Variants in WNT7B observed in about 807,000 individuals in gnomAD.
WNT7B encodes Wnt family member 7B.
A neutral mutation model predicts 38.2 loss-of-function variants in WNT7B; 19 were observed. The ratio of observed to expected loss-of-function variants is 0.50; its 90% CI spans 0.35 to 0.73. WNT7B has a LOEUF of 0.73. Ranked by LOEUF, WNT7B falls within the 30% of genes least tolerant of loss-of-function variation. The probability of loss-of-function intolerance (pLI) is 0.01; values close to 1 mark genes in which losing one functional copy is unlikely to be tolerated. For missense variants in WNT7B, 423 were observed against 507.9 expected, an observed-to-expected ratio of 0.83 and a Z score of 1.61; for synonymous variants, 243 against 209.3, an observed-to-expected ratio of 1.16 and a Z score of -1.39.
chr22:45,929,591 T>G (rs549621647), intron 3 of WNT7B, among the ~76,000 whole-genome samples: 2 of 139,090 alleles, frequency 1.4e-5, no homozygotes, highest in African/African-American at 5.6e-5. Context: ...CTTCCATCCA[T>G]TCATGCATCC....
At chr22:45,929,387 CCCATCCATCCTT>C (rs1226827146) in intron 3 of WNT7B, among the ~76,000 whole-genome samples, 4 of 149,746 alleles carry the variant, frequency 2.7e-5, no homozygotes, top group African/African-American at 7.6e-5. Context: ...CACCCACTCA[CCCATCCATCCTT>C]CCATCCACCC....
intron 1 of WNT7B, among the ~76,000 whole-genome samples, chr22:45,962,191 C>T (rs1005758193): frequency 1.3e-5 from 2 of 152,116 alleles, no homozygotes; most frequent in African/African-American, 4.8e-5. Flanking sequence ...GGGCTGAGGC[C>T]GCTGCAGGTG....
intron 3 of WNT7B, chr22:45,926,022 A>T: frequency 1.0e-6 from 1 of 985,238 alleles, no homozygotes; most frequent in Non-Finnish European, 1.2e-6. Flanking sequence ...CAGGGAACCC[A>T]GCTGCATGCT....
At chr22:45,972,380 A>C (rs2146756366) in intron 1 of WNT7B, 2 of 321,498 alleles carry the variant, frequency 6.2e-6, no homozygotes, top group Non-Finnish European at 5.6e-6. Flanking sequence ...GCCCGGGCGC[A>C]GTTGTCGCCC....
At chr22:45,958,083 C>T (rs1220274875) in intron 1 of WNT7B, among the ~76,000 whole-genome samples, 2 of 152,258 alleles carry the variant, frequency 1.3e-5, no homozygotes. Context: ...TGCCCGTGCC[C>T]AGCCTGGCAC....
chr22:45,944,642 C>A (rs1358480315), intron 2 of WNT7B, among the ~76,000 whole-genome samples: 1 of 152,220 alleles, frequency 6.6e-6, no homozygotes, highest in Non-Finnish European at 1.5e-5. Context: ...TGCAGACCAC[C>A]AAGGTGTGGC....
At chr22:45,964,420 G>C (rs1932266764) in intron 1 of WNT7B, among the ~76,000 whole-genome samples, 2 of 151,912 alleles carry the variant, frequency 1.3e-5, no homozygotes, top group Admixed American at 6.6e-5. Context: ...CTGCAGGCCA[G>C]CCCCCCCCAG....
intron 3 of WNT7B, among the ~76,000 whole-genome samples, chr22:45,929,601 C>T (rs1474435551): frequency 6.7e-6 from 1 of 149,688 alleles, no homozygotes; most frequent in Non-Finnish European, 1.5e-5. Flanking sequence ...TTCATGCATC[C>T]ATCCACCTGC....
intron 2 of WNT7B, among the ~76,000 whole-genome samples, chr22:45,942,012 G>T (rs1931661625): frequency 6.6e-6 from 1 of 152,112 alleles, no homozygotes; most frequent in Admixed American, 6.5e-5. Flanking sequence ...ACGGCTGGCT[G>T]GGGAGCTCCT....
intron 2 of WNT7B, among the ~76,000 whole-genome samples, chr22:45,948,598 CT>C (rs963782814): frequency 1.2e-4 from 19 of 152,220 alleles, no homozygotes; most frequent in Admixed American, 4.6e-4. Flanking sequence ...TATCCCCCCC[CT>C]CCTCTGCCTC....
At chr22:45,943,933 C>G (rs1283213720) in intron 2 of WNT7B, among the ~76,000 whole-genome samples, 5 of 152,198 alleles carry the variant, frequency 3.3e-5, no homozygotes, top group Non-Finnish European at 5.9e-5. Context: ...GCCTCAGTGG[C>G]CCAGGGCTCT....
chr22:45,962,897 T>C (rs1196662543), intron 1 of WNT7B, among the ~76,000 whole-genome samples: 1 of 152,250 alleles, frequency 6.6e-6, no homozygotes, highest in African/African-American at 2.4e-5. Context: ...TGGAGAGAGC[T>C]GGCAGGCCCC....
chr22:45,940,755 G>C (rs111809356), intron 2 of WNT7B, among the ~76,000 whole-genome samples: 1,987 of 152,318 alleles, frequency 0.013, 45 homozygotes, highest in African/African-American at 0.045. Flanking sequence ...AGGGACTGGG[G>C]TGCAGGGTGG....
In WNT7B at chr22:45,969,223, C is replaced by A. The variant is rs189132879; in HGVS notation, c.71+7461G>T. ...AAGTGCCCCCCCACCCTGCCACAGC[C>A]AGGTGGTCGGTGAGTAACCGCCCCG... On this transcript the variant is annotated intron_variant, in intron 1 of 3. Transcript: ENST00000339464. Among the ~76,000 whole-genome samples the A allele has an allele frequency of 3.3e-5, 5 of 152,366 alleles. No homozygotes were observed. The East Asian group carries it at 9.6e-4, about 29-fold the overall frequency.
rs568058696 is a variant in WNT7B at position 45,965,154 on chromosome 22, C to A, written c.71+11530G>T. Among the ~76,000 whole-genome samples the A allele has an allele frequency of 5.3e-5, 8 of 152,268 alleles. No homozygotes were observed. In the South Asian group the frequency reaches 8.3e-4, roughly 16 times the overall value. On this transcript the variant is annotated intron_variant, in intron 1 of 3. Transcript: ENST00000339464. The surrounding 1 kb of genome is among the most constrained non-coding windows in gnomAD (Gnocchi z 6.5). ...CTGATGCTGCCACATCCTCTTCACACCTCCAGGTCTTTGCCCACGTCTGTC... is the reference window on the plus strand; with the variant it reads ...CTGATGCTGCCACATCCTCTTCACAACTCCAGGTCTTTGCCCACGTCTGTC...
chr22:45,963,302 T>TC (rs1405886198), intron 1 of WNT7B, among the ~76,000 whole-genome samples: 1 of 152,070 alleles, frequency 6.6e-6, no homozygotes, highest in African/African-American at 2.4e-5. Flanking sequence ...GAATGCTCCC[T>TC]CCAAGAATTC....
Position 45,952,137 on chromosome 22 carries a change from G to A in WNT7B, c.72-1991C>T, listed in dbSNP as rs368256353. On this transcript the variant is annotated intron_variant, in intron 1 of 3. Transcript: ENST00000339464. ...GCAAGATGTGGGAGTTGGGGGGACCGCCGGGGGCTCCCCGAAGCTGATGCC... is the reference window on the plus strand; with the variant it reads ...GCAAGATGTGGGAGTTGGGGGGACCACCGGGGGCTCCCCGAAGCTGATGCC... 4.1e-4 allele frequency among the ~76,000 whole-genome samples: 62 copies of A among 152,324 alleles called. 2 individuals are homozygous for A. The East Asian group carries it at 7.0e-3, about 17-fold the overall frequency.
At chr22:45,930,335 T>C (rs1314625641) in intron 3 of WNT7B, among the ~76,000 whole-genome samples, 1 of 152,248 alleles carries the variant, frequency 6.6e-6, no homozygotes, top group Non-Finnish European at 1.5e-5. Flanking sequence ...GGCAAGTCTG[T>C]CCCACACCTG....
chr22:45,934,301 A>AG (rs1237269694), intron 2 of WNT7B, among the ~76,000 whole-genome samples: 5 of 151,840 alleles, frequency 3.3e-5, no homozygotes, highest in African/African-American at 9.7e-5. Context: ...GCAGGAGGAG[A>AG]GGGGGGATGT....
Sources: gnomAD v4.1 joint callset for allele counts (sites outside exome capture counted in the v4.1 genomes callset) on GRCh38, gnomAD v4.1.1 for gene constraint, Gnocchi (gnomAD v3.1) non-coding constraint, MANE v1.5 for transcripts, NCBI Gene and HGNC (gene_info 2026-07-23, HGNC 2026-07-21) for gene names.